The following SMU1 variants were observed in gnomAD, a reference collection of about 807,000 sequenced individuals.
SMU1 encodes WD40 repeat-containing protein SMU1.
SMU1 carries 2 observed loss-of-function variants against 62.0 expected under a neutral mutation model. The ratio of observed to expected loss-of-function variants is 0.03; its 90% CI spans 0.01 to 0.10. The LOEUF (loss-of-function observed/expected upper bound fraction) is 0.10, where lower values mean the gene tolerates loss of function less well. Ranked by LOEUF, SMU1 falls within the 10% of genes least tolerant of loss-of-function variation. The pLI is 1.00. For synonymous variants in SMU1, 188 were observed against 212.4 expected (o/e 0.89, Z 1.00); for missense variants, 227 against 622.1 (o/e 0.36, Z 6.76).
At chr9:33,075,066 C>A (rs1213127342) in intron 1 of SMU1, among the ~76,000 whole-genome samples, 1 of 152,162 alleles carries the variant, frequency 6.6e-6, no homozygotes, top group African/African-American at 2.4e-5. Context: ...AGCCACCGCA[C>A]CTGGCCCCTC....
Position 33,060,457 on chromosome 9 carries a change from T to G in SMU1, c.750+8A>C. On this transcript the variant is annotated splice_region_variant and intron_variant, in intron 6 of 11. Coordinates refer to ENST00000397149, the MANE Select transcript of SMU1 (RefSeq NM_018225.3). ...ACTAGGAAGGTTAACACATTTAAAA[T>G]ACTTTACCTTTCTGATTTTTCCAGT... 6.3e-7 allele frequency: 1 copy of G among 1,594,058 alleles called. No homozygotes were observed. Among genetic ancestry groups the G allele is most frequent in the Non-Finnish European group, 8.5e-7 (1 of 1,175,412 alleles).
chr9:33,058,627 T>C (rs1033848110), intron 6 of SMU1, among the ~76,000 whole-genome samples: 2 of 152,182 alleles, frequency 1.3e-5, no homozygotes, highest in Non-Finnish European at 2.9e-5. Flanking sequence ...AAAAATTACA[T>C]TTTAAATCAG....
chr9:33,073,211 T>C (rs1839507300), intron 2 of SMU1, among the ~76,000 whole-genome samples: 1 of 151,926 alleles, frequency 6.6e-6, no homozygotes, highest in South Asian at 2.1e-4. Context: ...ACCCTGGGTA[T>C]TATGGTGAGA....
chr9:33,057,740 T>C, intron 6 of SMU1, 26 bp from the exon 7 acceptor site: 1 of 1,612,388 alleles, frequency 6.2e-7, no homozygotes, highest in Non-Finnish European at 8.5e-7. Context: ...TTAGCAGTTA[T>C]CAAAATAACA....
In SMU1 at chr9:33,062,030, G is replaced by C. The variant is rs1332603201; in HGVS notation, c.630+19C>G. 2 of 1,611,204 alleles carry C rather than the reference G, an allele frequency of 1.2e-6. No individual in the cohort carries two copies. The highest frequency in any genetic ancestry group is 1.1e-5 in the South Asian group (1 of 90,880). ...CTCAACAAATGATTACTGACTGGCT[G>C]AATGTCTTAGGATCCTACCTTAATA... On this transcript the variant is annotated intron_variant, in intron 5 of 11. Transcript: ENST00000397149.
chr9:33,042,116 CATATT>C lies in SMU1; in HGVS notation c.*5172_*5176del, dbSNP rs1226430771. 2 of 152,030 alleles carry C rather than the reference CATATT, an allele frequency of 1.3e-5. No homozygotes were observed. The highest frequency in any genetic ancestry group is 4.9e-5 in the African/African-American group (2 of 41,226). 9.4% of individuals were successfully genotyped at this position (152,030 alleles called of 1,614,324 possible). A position where few individuals can be genotyped will look rare whatever the true frequency, so the allele number is the denominator to read the frequency against. ...AATCCTAAGAACACTAAAAGAAAGT[CATATT>C]AGGTCGGTTGGTGCAAAAGTAATGT... On this transcript the variant is annotated 3_prime_UTR_variant, in exon 12 of 12. Coordinates refer to ENST00000397149, the MANE Select transcript of SMU1 (RefSeq NM_018225.3).
chr9:33,052,219 T>C (rs112915639), intron 10 of SMU1, among the ~76,000 whole-genome samples: 114 of 146,216 alleles, frequency 7.8e-4, no homozygotes, highest in African/African-American at 2.7e-3. Context: ...TTCCTAGTTC[T>C]GATCATTGTA....
chr9:33,068,347 T>G (rs1839445872), intron 4 of SMU1, among the ~76,000 whole-genome samples: 1 of 152,140 alleles, frequency 6.6e-6, no homozygotes, highest in African/African-American at 2.4e-5. Context: ...TAACCACTAA[T>G]CTATATTGCC....
intron 1 of SMU1, 148 bp downstream of exon 1, chr9:33,076,435 T>C (rs1839546804): frequency 1.0e-6 from 1 of 965,680 alleles, no homozygotes; most frequent in Non-Finnish European, 1.6e-6. Context: ...ACCTCCGAGG[T>C]AGCGAGATCC....
At position 33,063,414 on chromosome 9, in the gene SMU1, C is replaced by G. The variant is rs1839384994; in HGVS notation, c.502-1237G>C. On this transcript the variant is annotated intron_variant, in intron 4 of 11. Transcript: ENST00000397149. ...TAAAACAAAATAATATAAGTGAAGC[C>G]TGTATAATAAGCACATGTTCACATA... Among the ~76,000 whole-genome samples the G allele has an allele frequency of 2.0e-5, 3 of 152,132 alleles. 1 individual carries two copies. In the South Asian group the frequency reaches 6.2e-4, roughly 31 times the overall value.
chr9:33,054,909 T>C (rs1345368442), intron 9 of SMU1, among the ~76,000 whole-genome samples: 2 of 152,184 alleles, frequency 1.3e-5, no homozygotes, highest in Non-Finnish European at 2.9e-5. Context: ...GTGACACGCT[T>C]TGCCCCACTC....
intron 10 of SMU1, among the ~76,000 whole-genome samples, chr9:33,050,526 TA>T (rs572118083): frequency 0.059 from 5,881 of 99,886 alleles, 144 homozygotes; most frequent in East Asian, 0.16. Context: ...ATTAAGCACT[TA>T]AAAAAAAAAA....
chr9:33,073,042 A>T (rs187041077), intron 2 of SMU1, among the ~76,000 whole-genome samples: 1 of 152,196 alleles, frequency 6.6e-6, no homozygotes, highest in African/African-American at 2.4e-5. Flanking sequence ...CTTGAATCAC[A>T]CCTGGGTTTG....
At chr9:33,049,924 C>T (rs1051114033) in intron 10 of SMU1, among the ~76,000 whole-genome samples, 1 of 152,048 alleles carries the variant, frequency 6.6e-6, no homozygotes, top group Non-Finnish European at 1.5e-5. Context: ...GGCAATGGAG[C>T]AAGACCCTGC....
intron 10 of SMU1, 138 bp downstream of exon 10, chr9:33,052,985 T>C (rs764786322): frequency 8.2e-6 from 6 of 732,916 alleles, no homozygotes; most frequent in Non-Finnish European, 1.2e-5. Context: ...TAAATAAATC[T>C]GAAAAACAAA....
intron 3 of SMU1, among the ~76,000 whole-genome samples, chr9:33,070,526 T>C (rs1839474137): frequency 6.6e-6 from 1 of 152,244 alleles, no homozygotes; most frequent in Non-Finnish European, 1.5e-5. Flanking sequence ...GCAATCCCAC[T>C]GCTAGGTACA....
intron 1 of SMU1, 86 bp downstream of exon 1, chr9:33,076,497 G>A (rs1196233375): frequency 6.5e-7 from 1 of 1,536,752 alleles, no homozygotes; most frequent in Non-Finnish European, 9.0e-7. Context: ...TGGCCTCTCG[G>A]ATGCCTTCTC....
rs183034957 is a variant in SMU1, at chr9:33,050,287, A to G, written c.1291-2029T>C. Among the ~76,000 whole-genome samples, 663 of 152,346 alleles carry G rather than the reference A, an allele frequency of 4.4e-3. 2 individuals are homozygous for G. The highest frequency in any genetic ancestry group is 9.5e-3 in the South Asian group (46 of 4,822). On this transcript the variant is annotated intron_variant, in intron 10 of 11. Coordinates refer to ENST00000397149, the MANE Select transcript of SMU1 (RefSeq NM_018225.3). ...CAGGAACTCTCATTCACCAAGGGTG[A>G]GAATACAAAAGGATACATCCATTTT...
rs2117873590 is a variant in SMU1, at chr9:33,071,590, C to G, written c.390+150G>C. 4 of 808,020 alleles carry G rather than the reference C, an allele frequency of 5.0e-6. No individual in the cohort carries two copies. The East Asian group carries it at 1.2e-4, about 24-fold the overall frequency. The allele number at this position is 808,020 out of a possible 1,614,324, so 50.1% of individuals were successfully genotyped here. On this transcript the variant is annotated intron_variant, in intron 3 of 11. Coordinates refer to ENST00000397149, the MANE Select transcript of SMU1 (RefSeq NM_018225.3). Reference sequence around the variant, plus strand: ...TCTCTTTAACATACGCAAATTTCAGCCAACATATATAAACAGAGAAGCATC... The same window carrying G: ...TCTCTTTAACATACGCAAATTTCAGGCAACATATATAAACAGAGAAGCATC...
Sources: gnomAD v4.1 joint callset for allele counts (sites outside exome capture counted in the v4.1 genomes callset) on GRCh38, gnomAD v4.1.1 for gene constraint, MANE v1.5 for transcripts, NCBI Gene and HGNC (gene_info 2026-07-23, HGNC 2026-07-21) for gene names.